The following KIF14 variants were observed in gnomAD, a reference collection of about 807,000 sequenced individuals.
KIF14 encodes kinesin family member 14.
KIF14 carries 98 observed loss-of-function variants against 176.2 expected under a neutral mutation model. That is an observed-to-expected ratio of 0.56 (90% CI 0.47 to 0.66). The LOEUF is 0.66. Ranked by LOEUF, KIF14 falls within the 30% of genes least tolerant of loss-of-function variation. The pLI, the probability that KIF14 is intolerant of heterozygous loss-of-function variation, is 0.00. For missense variants in KIF14, 1,751 were observed against 1,920.4 expected (o/e 0.91, Z 1.65); for synonymous variants, 566 against 632.2 (o/e 0.90, Z 1.57).
At chr1:200,604,548 T>C (rs928021331) in intron 8 of KIF14, among the ~76,000 whole-genome samples, 15 of 152,158 alleles carry the variant, frequency 9.9e-5, no homozygotes, top group Non-Finnish European at 2.2e-4. Context: ...AAAGAAAAAG[T>C]TTAATGCACA....
chr1:200,581,825 G>C (rs565550021), intron 19 of KIF14, among the ~76,000 whole-genome samples: 2 of 134,154 alleles, frequency 1.5e-5, no homozygotes, highest in East Asian at 4.5e-4. Context: ...ATATAGTACA[G>C]TGGCTCAAGC....
At chr1:200,608,426 T>C (rs969141690) in intron 5 of KIF14, among the ~76,000 whole-genome samples, 1 of 151,484 alleles carries the variant, frequency 6.6e-6, no homozygotes, top group Non-Finnish European at 1.5e-5. Flanking sequence ...GTACAGTGGC[T>C]TGATCTCGGC....
chr1:200,607,974 C>T (rs893495561), intron 5 of KIF14, among the ~76,000 whole-genome samples: 5 of 152,190 alleles, frequency 3.3e-5, no homozygotes, highest in African/African-American at 1.2e-4. Context: ...GCTGTGATTA[C>T]AGGTGTGAGC....
At position 200,560,810 on chromosome 1, in the gene KIF14, G is replaced by T; in HGVS notation, c.4142C>A (p.Ala1381Asp). The change falls in exon 26 of 30, where the codon GCT becomes GAT. Residue 1381 changes from alanine to aspartate, a missense_variant. Ala to Asp is a moderately radical substitution (Grantham distance 126). Coordinates refer to ENST00000367350, the MANE Select transcript of KIF14 (RefSeq NM_014875.3). ...QKNAIQIVQQ[A>D]VKYVGQLAVL... ...TGCTAACTGCCCCACATACTTTACAGCTTGTTGTACAATTTGGATTGCATT... is the reference window on the plus strand; with the variant it reads ...TGCTAACTGCCCCACATACTTTACATCTTGTTGTACAATTTGGATTGCATT... 6.2e-7 allele frequency: 1 copy of T among 1,613,968 alleles called. No homozygotes were observed. The highest frequency in any genetic ancestry group is 1.3e-5 in the African/African-American group (1 of 75,052).
At chr1:200,617,254 C>A (rs1660449481) in intron 2 of KIF14, among the ~76,000 whole-genome samples, 1 of 152,188 alleles carries the variant, frequency 6.6e-6, no homozygotes, top group South Asian at 2.1e-4. Context: ...AGGCGTGACC[C>A]ACCACACCTG....
In KIF14 at chr1:200,590,034, T is replaced by C. The variant is rs1319364251; in HGVS notation, c.2961+91A>G. 3 of 1,287,046 alleles carry C rather than the reference T, an allele frequency of 2.3e-6. No individual in the cohort carries two copies. In the Admixed American group the frequency reaches 6.7e-5, roughly 29 times the overall value. The allele number at this position is 1,287,046 out of a possible 1,614,324, so 79.7% of individuals were successfully genotyped here. On this transcript the variant is annotated intron_variant, in intron 17 of 29. Coordinates refer to ENST00000367350, the MANE Select transcript of KIF14 (RefSeq NM_014875.3). The stretch of plus-strand genomic sequence containing the variant: ...TCACTAATCTCTGATCTCTCCCAGT[T>C]CCCTTATAGGGACATAATCAACTTT...
rs779556354 is a variant in KIF14 at position 200,603,849 on chromosome 1, T to C, written c.1853A>G (p.Asp618Gly). 2 of 1,589,302 alleles carry C rather than the reference T, an allele frequency of 1.3e-6. No homozygotes were observed. Among genetic ancestry groups the C allele is most frequent in the South Asian group, 1.1e-5 (1 of 90,406 alleles). ...ERCSTAHTNGDRLKEGVSINK... is the reference protein window; with the variant it reads ...ERCSTAHTNGGRLKEGVSINK... The stretch of plus-strand genomic sequence containing the variant: ...AAGCATTCCATTTACCTTTAGTCGA[T>C]CTCCATTAGTGTGAGCCGTAGAGCA... The change falls in exon 9 of 30, where the codon GAT becomes GGT. Residue 618 changes from aspartate to glycine, a missense_variant. Physicochemically the swap from Asp to Gly is moderately conservative, Grantham distance 94. Coordinates refer to ENST00000367350, the MANE Select transcript of KIF14 (RefSeq NM_014875.3).
chr1:200,608,056 T>A (rs2102753145), intron 5 of KIF14, among the ~76,000 whole-genome samples: 1 of 152,322 alleles, frequency 6.6e-6, no homozygotes, highest in South Asian at 2.1e-4. Context: ...TTAAAAATTT[T>A]AAATTTGAAT....
In KIF14 at chr1:200,560,980, C is replaced by A. The variant is rs1657110179; in HGVS notation, c.4072-100G>T. The stretch of plus-strand genomic sequence containing the variant: ...GCACAGCGGCTCACGCCTGTAATTC[C>A]AGCAGTTTGGGAGGCCGAGGCGGGT... On this transcript the variant is annotated intron_variant, in intron 25 of 29. Coordinates refer to ENST00000367350, the MANE Select transcript of KIF14 (RefSeq NM_014875.3). The A allele has an allele frequency of 3.6e-5, 41 of 1,137,808 alleles. No homozygotes were observed. The South Asian group carries it at 5.6e-4, about 16-fold the overall frequency. The allele number at this position is 1,137,808 out of a possible 1,614,324, so 70.5% of individuals were successfully genotyped here. A position where few individuals can be genotyped will look rare whatever the true frequency, so the allele number is the denominator to read the frequency against.
intron 21 of KIF14, 135 bp downstream of exon 21, chr1:200,580,119 C>T: frequency 2.5e-6 from 1 of 392,322 alleles, no homozygotes; most frequent in Non-Finnish European, 4.4e-6. Flanking sequence ...GATAGATTGC[C>T]TTTTATTTTC....
At position 200,617,861 on chromosome 1, in the gene KIF14, G is replaced by A. The variant is rs775007462; in HGVS notation, c.863C>T (p.Thr288Ile). The A allele has an allele frequency of 6.8e-6, 11 of 1,614,052 alleles. No individual in the cohort carries two copies. In the East Asian group the frequency reaches 2.5e-4, roughly 36 times the overall value. The change falls in exon 2 of 30, where the codon ACA becomes ATA. Residue 288 changes from threonine to isoleucine, a missense_variant. Transcript: ENST00000367350. ...AAGCTGAGGCAGGCTGCACTTTGTT[G>A]TCAGTTTGTGTTCTGTTGTACATTT... ...PTKCTTEHKL[T>I]TKCSLPQLKS... is the part of the protein sequence containing the mutation.
intron 18 of KIF14, among the ~76,000 whole-genome samples, chr1:200,588,253 T>TTG (rs1558069413): frequency 7.1e-6 from 1 of 140,834 alleles, no homozygotes; most frequent in Non-Finnish European, 1.5e-5. Context: ...GTTTTGTTTT[T>TTG]TTTTTTTTGA....
intron 17 of KIF14, 89 bp downstream of exon 17, chr1:200,590,036 C>T (rs2102686811): frequency 7.6e-7 from 1 of 1,312,136 alleles, no homozygotes; most frequent in Admixed American, 2.2e-5. Flanking sequence ...CTCCCAGTTC[C>T]CTTATAGGGA....
intron 11 of KIF14, among the ~76,000 whole-genome samples, chr1:200,600,777 G>A (rs2102726787): frequency 6.6e-6 from 1 of 152,208 alleles, no homozygotes; most frequent in South Asian, 2.1e-4. Flanking sequence ...CTTTTGAGAG[G>A]CAAAAGGGTA....
intron 21 of KIF14, among the ~76,000 whole-genome samples, chr1:200,576,156 T>A (rs1381087970): frequency 6.6e-6 from 1 of 152,058 alleles, no homozygotes; most frequent in Non-Finnish European, 1.5e-5. Flanking sequence ...TACAGAAAAA[T>A]AAGTTAAAAA....
chr1:200,614,497 C>T (rs374012128), intron 3 of KIF14, 92 bp from the exon 4 acceptor site: 3 of 702,166 alleles, frequency 4.3e-6, no homozygotes, highest in Non-Finnish European at 7.2e-6. Flanking sequence ...GAGTAGGAAG[C>T]AAGTTCACTG....
chr1:200,565,710 GAAT>G, intron 23 of KIF14, 41 bp from the exon 24 acceptor site: 1 of 1,294,372 alleles, frequency 7.7e-7, no homozygotes. Context: ...TTGTTTTCAG[GAAT>G]AATACTTTCT....
intron 14 of KIF14, among the ~76,000 whole-genome samples, chr1:200,596,888 CTTTTTTT>C (rs993346438): frequency 1.1e-4 from 11 of 99,220 alleles, no homozygotes; most frequent in African/African-American, 2.5e-4. Flanking sequence ...CTCTCTCTCT[CTTTTTTT>C]TTTTTTTTTT....
chr1:200,606,824 T>A, intron 5 of KIF14, 26 bp from the exon 6 acceptor site: 1 of 1,557,344 alleles, frequency 6.4e-7, no homozygotes. Context: ...ACATGCATCA[T>A]TAGGAGTATG....
Sources: gnomAD v4.1 joint callset for allele counts (sites outside exome capture counted in the v4.1 genomes callset) on GRCh38, gnomAD v4.1.1 for gene constraint, MANE v1.5 for transcripts, NCBI Gene and HGNC (gene_info 2026-07-23, HGNC 2026-07-21) for gene names.